Variants in HADHB observed in about 807,000 individuals in gnomAD.
HADHB encodes the protein trifunctional enzyme subunit beta, mitochondrial.
A neutral mutation model predicts 61.9 loss-of-function variants in HADHB; 50 were observed. The ratio of observed to expected loss-of-function variants is 0.81; its 90% CI spans 0.64 to 1.02. HADHB has a LOEUF of 1.02. HADHB is among the 50% of genes least tolerant of loss of function. HADHB has a pLI of 0.00. For missense variants in HADHB, 504 were observed against 586.5 expected, an observed-to-expected ratio of 0.86 and a Z score of 1.45; for synonymous variants, 191 against 201.6, an observed-to-expected ratio of 0.95 and a Z score of 0.45.
At chr2:26,285,891 C>T (rs557101564) in intron 15 of HADHB, among the ~76,000 whole-genome samples, 3 of 151,682 alleles carry the variant, frequency 2.0e-5, no homozygotes, top group South Asian at 4.2e-4. Context: ...GTGTGCACCA[C>T]CATGTCCAGT....
chr2:26,285,522 A>G lies in HADHB; in HGVS notation c.1340A>G (p.Lys447Arg). Reference protein sequence around the residue: ...LVMAAANRLRKEGGQYGLVAA... With the variant: ...LVMAAANRLRREGGQYGLVAA... ...ATGGCTGCTGCCAACAGATTACGGA[A>G]AGAAGGAGGCCAGTATGGCTTAGTG... The change falls in exon 15 of 16, where the codon AAA becomes AGA. Residue 447 changes from lysine (K) to arginine (R), a missense_variant. Coordinates refer to ENST00000317799, the MANE Select transcript of HADHB (RefSeq NM_000183.3). The G allele has an allele frequency of 6.2e-7, 1 of 1,614,056 alleles. No homozygotes were observed. Among genetic ancestry groups the G allele is most frequent in the Non-Finnish European group, 8.5e-7 (1 of 1,179,958 alleles).
In HADHB at chr2:26,272,808, G is replaced by T. The variant is rs72851520; in HGVS notation, c.255-843G>T. The stretch of plus-strand genomic sequence containing the variant: ...ATTTAGAAACCAAATCTGGGGCCGG[G>T]TATAGTGGCTTACACCTATAATCCC... On this transcript the variant is annotated intron_variant, in intron 5 of 15. Transcript: ENST00000317799. Among the ~76,000 whole-genome samples the T allele has an allele frequency of 5.6e-3, 847 of 151,832 alleles. 6 individuals carry two copies. Among genetic ancestry groups the T allele is most frequent in the African/African-American group, 0.02 (821 of 41,438 alleles).
chr2:26,278,497 A>C (rs1445096534), intron 7 of HADHB, 117 bp from the exon 8 acceptor site: 11 of 868,724 alleles, frequency 1.3e-5, no homozygotes, highest in African/African-American at 3.3e-5. Flanking sequence ...AACTTTAATT[A>C]CAGATGTTGT....
chr2:26,269,489 C>T (rs897428313), intron 4 of HADHB, among the ~76,000 whole-genome samples: 19 of 152,176 alleles, frequency 1.2e-4, no homozygotes, highest in Non-Finnish European at 2.9e-5. Context: ...GTGTGAGCCA[C>T]CATGCTTGGC....
At chr2:26,265,597 AAACAACAAC>A (rs58410284) in intron 4 of HADHB, among the ~76,000 whole-genome samples, 20 of 151,624 alleles carry the variant, frequency 1.3e-4, no homozygotes, top group Non-Finnish European at 4.4e-5. Context: ...CTCCATCTCA[AAACAACAAC>A]AACAACAACA....
At chr2:26,284,983 G>T (rs377313341) in intron 14 of HADHB, 26 bp downstream of exon 14, 3 of 1,154,510 alleles carry the variant, frequency 2.6e-6, no homozygotes, top group East Asian at 2.3e-5. Context: ...TAAAAAATGC[G>T]TGAATTTTCA....
chr2:26,261,343 C>A, intron 3 of HADHB: 1 of 329,402 alleles, frequency 3.0e-6, no homozygotes, highest in African/African-American at 2.1e-5. Flanking sequence ...TGCTTTCCTT[C>A]TGTATTCTAA....
At chr2:26,256,386 G>A (rs1284453147) in intron 3 of HADHB, among the ~76,000 whole-genome samples, 2 of 152,146 alleles carry the variant, frequency 1.3e-5, no homozygotes, top group Admixed American at 6.6e-5. Context: ...TGACAGAGCT[G>A]TTAGGATGAA....
At chr2:26,250,971 G>A (rs1055806115) in intron 1 of HADHB, among the ~76,000 whole-genome samples, 3 of 150,720 alleles carry the variant, frequency 2.0e-5, no homozygotes, top group African/African-American at 7.3e-5. Flanking sequence ...TGTGAGCTGC[G>A]AACCTAAAAT....
chr2:26,277,022 C>A, intron 6 of HADHB, 51 bp from the exon 7 acceptor site: 2 of 881,698 alleles, frequency 2.3e-6, no homozygotes, highest in Non-Finnish European at 3.9e-6. Flanking sequence ...GCATCATTTA[C>A]ATGATGCCCT....
intron 1 of HADHB, among the ~76,000 whole-genome samples, chr2:26,248,426 G>T (rs1671247240): frequency 6.6e-6 from 1 of 151,772 alleles, no homozygotes; most frequent in Non-Finnish European, 1.5e-5. Flanking sequence ...TGTCTCCTAG[G>T]CTGGAGTTCA....
chr2:26,245,606 G>C (rs997542715), intron 1 of HADHB, among the ~76,000 whole-genome samples: 1 of 152,000 alleles, frequency 6.6e-6, no homozygotes, highest in African/African-American at 2.4e-5. Flanking sequence ...AACTGCCTAC[G>C]AATCAGAGAG....
chr2:26,253,709 C>T (rs1327521375), intron 1 of HADHB, among the ~76,000 whole-genome samples: 5 of 151,666 alleles, frequency 3.3e-5, no homozygotes, highest in Non-Finnish European at 7.4e-5. Flanking sequence ...AAAAATTAGC[C>T]GGGTGTGGTG....
intron 13 of HADHB, among the ~76,000 whole-genome samples, chr2:26,284,433 A>T (rs1185235024): frequency 2.0e-5 from 3 of 152,014 alleles, no homozygotes; most frequent in Non-Finnish European, 4.4e-5. Context: ...ATTGCCATTG[A>T]AAACTGATAC....
chr2:26,258,725 G>C (rs998541168), intron 3 of HADHB, among the ~76,000 whole-genome samples: 5 of 152,238 alleles, frequency 3.3e-5, no homozygotes, highest in Non-Finnish European at 7.3e-5. Context: ...TACAAGGGTA[G>C]GGGATCCAAA....
chr2:26,253,853 C>CA (rs1298963823), intron 1 of HADHB, among the ~76,000 whole-genome samples: 1 of 75,684 alleles, frequency 1.3e-5, no homozygotes, highest in African/African-American at 4.1e-5. Flanking sequence ...AACTCCATCT[C>CA]AAAAAAATAA....
In HADHB at chr2:26,285,739, GTT is replaced by G. The variant is rs766742523; in HGVS notation, c.1389+185_1389+186del. Among the ~76,000 whole-genome samples the G allele has an allele frequency of 5.7e-3, 368 of 65,094 alleles. 23 individuals are homozygous for G. Among genetic ancestry groups the G allele is most frequent in the Non-Finnish European group, 8.8e-3 (308 of 34,940 alleles). 42.7% of individuals were successfully genotyped at this position (65,094 alleles called of 152,430 possible). On this transcript the variant is annotated intron_variant, in intron 15 of 15. Coordinates refer to ENST00000317799, the MANE Select transcript of HADHB (RefSeq NM_000183.3). ...TCTGATAAAACTTTTTGTTTTTTGG[GTT>G]TTTTTTTTTTTTTTTTGAGACAGTC...
chr2:26,286,813 GT>G (rs1201781156), intron 15 of HADHB, among the ~76,000 whole-genome samples: 13,031 of 103,518 alleles, frequency 0.13, 1,863 homozygotes, highest in East Asian at 0.75. Flanking sequence ...GCCTGTTTTT[GT>G]TTTTTTTTTT....
At chr2:26,288,186 G>A (rs1010453401) in intron 15 of HADHB, among the ~76,000 whole-genome samples, 1 of 152,140 alleles carries the variant, frequency 6.6e-6, no homozygotes, top group Non-Finnish European at 1.5e-5. Context: ...GATTGCTTGA[G>A]CCCGGGATGT....
Sources: gnomAD v4.1 joint callset for allele counts (sites outside exome capture counted in the v4.1 genomes callset) on GRCh38, gnomAD v4.1.1 for gene constraint, MANE v1.5 for transcripts, NCBI Gene and HGNC (gene_info 2026-07-23, HGNC 2026-07-21) for gene names.